The following VPS54 variants were observed in gnomAD, a reference collection of about 807,000 sequenced individuals.
The protein encoded by VPS54 is vacuolar protein sorting-associated protein 54.
In VPS54, 45 loss-of-function variants were observed where a neutral mutation model predicts 121.5. The observed-to-expected ratio is 0.37, with a 90% CI of 0.29 to 0.47. The LOEUF is 0.47. VPS54 is among the 20% of genes least tolerant of loss of function. The pLI, the probability that VPS54 is intolerant of heterozygous loss-of-function variation, is 0.99. For synonymous variants in VPS54, 371 were observed against 385.8 expected, an observed-to-expected ratio of 0.96 and a Z score of 0.45; for missense variants, 1,090 against 1,131.4, an observed-to-expected ratio of 0.96 and a Z score of 0.52.
At chr2:63,995,432 T>C (rs917594121) in intron 1 of VPS54, among the ~76,000 whole-genome samples, 1 of 152,262 alleles carries the variant, frequency 6.6e-6, no homozygotes, top group Non-Finnish European at 1.5e-5. Flanking sequence ...CCTCAATACA[T>C]TTAATTAATG....
At chr2:63,940,213 T>C (rs889937430) in intron 11 of VPS54, among the ~76,000 whole-genome samples, 1 of 152,210 alleles carries the variant, frequency 6.6e-6, no homozygotes, top group Non-Finnish European at 1.5e-5. Flanking sequence ...TTTCCAATTT[T>C]TAGTTATTTT....
intron 10 of VPS54, among the ~76,000 whole-genome samples, chr2:63,943,372 T>G (rs1329235961): frequency 6.6e-6 from 1 of 152,200 alleles, no homozygotes; most frequent in Non-Finnish European, 1.5e-5. Flanking sequence ...AGTTCTCTAC[T>G]TCTATGGAGA....
chr2:63,917,140 A>G (rs115155486), intron 15 of VPS54, among the ~76,000 whole-genome samples, 177 bp from the exon 16 acceptor site: 2,035 of 152,134 alleles, frequency 0.013, 17 homozygotes, highest in Middle Eastern at 0.024. Context: ...AGTTGGAGAG[A>G]TTTGGATTTG....
chr2:63,941,790 T>C (rs949420091), intron 11 of VPS54, among the ~76,000 whole-genome samples: 1 of 152,022 alleles, frequency 6.6e-6, no homozygotes, highest in African/African-American at 2.4e-5. Flanking sequence ...TCTCAGCACT[T>C]TGGGAGGCAG....
chr2:64,003,635 G>T (rs143267713), intron 1 of VPS54, among the ~76,000 whole-genome samples: 1,874 of 149,556 alleles, frequency 0.013, 17 homozygotes, highest in Non-Finnish European at 0.015. Flanking sequence ...AGACAAAACA[G>T]ACAGACAGCT....
intron 12 of VPS54, among the ~76,000 whole-genome samples, chr2:63,922,296 C>A (rs1346661614): frequency 6.6e-6 from 1 of 152,068 alleles, no homozygotes; most frequent in Non-Finnish European, 1.5e-5. Context: ...TACCATGAGC[C>A]AAGTGAAGTA....
Position 63,893,150 on chromosome 2 carries a change from T to C in VPS54, c.*280A>G, listed in dbSNP as rs1672294488. 6.3e-6 allele frequency: 3 copies of C among 474,946 alleles called. No individual in the cohort carries two copies. The Middle Eastern group carries it at 1.3e-3, about 202-fold the overall frequency. 29.4% of individuals were successfully genotyped at this position (474,946 alleles called of 1,614,324 possible). ...AGCTGTGTTACAGCTATGTGTTCTT[T>C]TGGATTTGGTCCAAAGAAACCTGAG... On this transcript the variant is annotated 3_prime_UTR_variant, in exon 23 of 23. Transcript: ENST00000272322.
chr2:63,965,467 C>T (rs1258444094), intron 6 of VPS54, among the ~76,000 whole-genome samples: 2 of 152,108 alleles, frequency 1.3e-5, no homozygotes, highest in East Asian at 3.9e-4. Flanking sequence ...CAGAGCGAGA[C>T]TCCGTCTCAA....
intron 20 of VPS54, among the ~76,000 whole-genome samples, chr2:63,902,850 C>G (rs1479302922): frequency 6.6e-6 from 1 of 152,136 alleles, no homozygotes; most frequent in South Asian, 2.1e-4. Flanking sequence ...TGCCTATAAT[C>G]CCAGCTACTC....
chr2:64,012,228 T>C (rs1371793854), intron 1 of VPS54, among the ~76,000 whole-genome samples: 2 of 152,014 alleles, frequency 1.3e-5, no homozygotes, highest in Non-Finnish European at 2.9e-5. Context: ...TGTCTTTGCT[T>C]TTCTCCTGCT....
intron 21 of VPS54, 126 bp from the exon 22 acceptor site, chr2:63,897,716 ATCC>A (rs980580875): frequency 3.5e-6 from 2 of 564,880 alleles, no homozygotes; most frequent in Non-Finnish European, 5.9e-6. Flanking sequence ...TACTTTTAAA[ATCC>A]TCCTCTGAAA....
At chr2:63,940,601 GA>G (rs1466481458) in intron 11 of VPS54, among the ~76,000 whole-genome samples, 12 of 151,644 alleles carry the variant, frequency 7.9e-5, no homozygotes. Context: ...CAGTGTTATT[GA>G]AAAAAACATT....
At chr2:63,914,313 T>G in intron 16 of VPS54, 26 bp from the exon 17 acceptor site, 1 of 1,481,378 alleles carries the variant, frequency 6.8e-7, no homozygotes. Context: ...AATGGCCCAA[T>G]AGGAAATCAA....
chr2:64,009,752 T>G (rs980905621), intron 1 of VPS54, among the ~76,000 whole-genome samples: 1 of 152,140 alleles, frequency 6.6e-6, no homozygotes, highest in Non-Finnish European at 1.5e-5. Context: ...AAGTTGAGGC[T>G]GCAGTGAGCT....
intron 1 of VPS54, among the ~76,000 whole-genome samples, chr2:64,015,540 G>A (rs1004057278): frequency 1.3e-5 from 2 of 152,072 alleles, no homozygotes; most frequent in South Asian, 4.1e-4. Context: ...ATAATTTCTT[G>A]CAGAAGTATG....
intron 1 of VPS54, among the ~76,000 whole-genome samples, chr2:63,999,619 A>G (rs1332586754): frequency 6.6e-6 from 1 of 152,144 alleles, no homozygotes; most frequent in Non-Finnish European, 1.5e-5. Context: ...GTACTTGGAT[A>G]TTAATATCTT....
chr2:64,008,857 A>G (rs945229659), intron 1 of VPS54, among the ~76,000 whole-genome samples: 3 of 152,276 alleles, frequency 2.0e-5, no homozygotes, highest in African/African-American at 7.2e-5. Flanking sequence ...TACAGTGAAC[A>G]CTATACAGTT....
intron 20 of VPS54, among the ~76,000 whole-genome samples, chr2:63,901,976 T>C (rs1391803618): frequency 6.6e-6 from 1 of 151,898 alleles, no homozygotes; most frequent in Admixed American, 6.6e-5. Flanking sequence ...GATCACACCA[T>C]TGCACTCCAG....
chr2:63,908,322 A>C (rs777739429), intron 20 of VPS54, among the ~76,000 whole-genome samples: 3 of 152,162 alleles, frequency 2.0e-5, no homozygotes. Flanking sequence ...AGTAGACTAC[A>C]TTCTGTATAA....
Sources: allele counts gnomAD v4.1 joint callset (sites outside exome capture counted in the v4.1 genomes callset), GRCh38; gene constraint gnomAD v4.1.1; transcripts MANE v1.5; gene names NCBI Gene and HGNC (gene_info 2026-07-23, HGNC 2026-07-21).